RTN4: variants seen among roughly 807,000 people sequenced by gnomAD.
The protein encoded by RTN4 is reticulon 4, also known as reticulon-4.
RTN4 carries 32 observed loss-of-function variants against 90.4 expected under a neutral mutation model. The ratio of observed to expected loss-of-function variants is 0.35; its 90% CI spans 0.27 to 0.48. The LOEUF (loss-of-function observed/expected upper bound fraction) is 0.48, where lower values mean the gene tolerates loss of function less well. Ranked by LOEUF, RTN4 falls within the 20% of genes least tolerant of loss-of-function variation. The probability of loss-of-function intolerance (pLI) is 0.99; values close to 1 mark genes in which losing one functional copy is unlikely to be tolerated. For missense variants in RTN4, 1,706 were observed against 1,430.2 expected, an observed-to-expected ratio of 1.19 and a Z score of -3.11; for synonymous variants, 629 against 552.5, an observed-to-expected ratio of 1.14 and a Z score of -1.94.
At chr2:55,012,493 G>C (rs1680716681) in intron 3 of RTN4, among the ~76,000 whole-genome samples, 2 of 152,170 alleles carry the variant, frequency 1.3e-5, no homozygotes, top group South Asian at 4.1e-4. Flanking sequence ...TTTAAGTTTG[G>C]CAAGTTAAGC....
At chr2:54,977,007 G>A (rs1202427360) in intron 5 of RTN4, among the ~76,000 whole-genome samples, 3 of 152,184 alleles carry the variant, frequency 2.0e-5, no homozygotes, top group Non-Finnish European at 4.4e-5. Context: ...TTTCTTCCAG[G>A]GCAATAAGAG....
intron 2 of RTN4, among the ~76,000 whole-genome samples, chr2:55,069,329 C>A (rs987176806): frequency 1.3e-5 from 2 of 152,186 alleles, no homozygotes; most frequent in Admixed American, 6.5e-5. Flanking sequence ...CAGCATTCTT[C>A]TGGAAAATAA....
chr2:54,987,788 A>G, intron 3 of RTN4, 90 bp from the exon 4 acceptor site: 1 of 1,011,822 alleles, frequency 9.9e-7, no homozygotes. Flanking sequence ...CTACTACATA[A>G]AGTAAAATCA....
chr2:55,109,155 G>A (rs2972089), intron 1 of RTN4, among the ~76,000 whole-genome samples: 36,288 of 151,796 alleles, frequency 0.24, 5,101 homozygotes, highest in East Asian at 0.45. Context: ...ATACTGAAAT[G>A]AAAAAAACAG....
chr2:55,131,042 G>C, the RTN4 span, among the ~76,000 whole-genome samples: 1 of 152,052 alleles, frequency 6.6e-6, no homozygotes, highest in Non-Finnish European at 1.5e-5. Flanking sequence ...AATTCACTAC[G>C]TATTGTATGA....
chr2:54,976,311 A>G (rs1291867981), intron 5 of RTN4, among the ~76,000 whole-genome samples: 1 of 152,220 alleles, frequency 6.6e-6, no homozygotes, highest in Non-Finnish European at 1.5e-5. Context: ...TAGGGGCTCA[A>G]ATGTCACTTG....
chr2:55,028,038 G>A lies in RTN4; in HGVS notation c.613+126C>T, dbSNP rs1682033774. On this transcript the variant is annotated intron_variant, in intron 2 of 8. Coordinates refer to ENST00000337526, the MANE Select transcript of RTN4 (RefSeq NM_020532.5). ...TAAAATGCACATTTCAACTTTTCCA[G>A]TAGACAAAACATTCTCGGAACCATG... The A allele has an allele frequency of 1.2e-5, 9 of 779,056 alleles. No individual in the cohort carries two copies. The South Asian group carries it at 2.4e-4, about 21-fold the overall frequency. The allele number at this position is 779,056 out of a possible 1,614,324, so 48.3% of individuals were successfully genotyped here.
chr2:54,981,246 G>C (rs1313032753), intron 5 of RTN4, among the ~76,000 whole-genome samples: 2 of 150,858 alleles, frequency 1.3e-5, no homozygotes, highest in South Asian at 4.2e-4. Context: ...TGAAAATAAC[G>C]TATCAACTAC....
intron 2 of RTN4, among the ~76,000 whole-genome samples, chr2:55,070,021 G>C (rs1439695877): frequency 1.3e-5 from 2 of 152,188 alleles, no homozygotes; most frequent in Non-Finnish European, 2.9e-5. Flanking sequence ...TTGCCCAGTG[G>C]TTTCGATGGC....
chr2:54,992,382 C>G (rs1254322088), intron 3 of RTN4, among the ~76,000 whole-genome samples: 1 of 152,042 alleles, frequency 6.6e-6, no homozygotes, highest in Non-Finnish European at 1.5e-5. Flanking sequence ...AACAAATGGG[C>G]AAAGTGTAGG....
At chr2:55,107,588 T>C (rs188170135) in intron 1 of RTN4, among the ~76,000 whole-genome samples, 4 of 152,022 alleles carry the variant, frequency 2.6e-5, no homozygotes, top group Admixed American at 2.6e-4. Flanking sequence ...AAGCTCTTAT[T>C]TGAACAACAA....
intron 2 of RTN4, among the ~76,000 whole-genome samples, chr2:55,073,295 C>A (rs571612599): frequency 6.6e-6 from 1 of 152,094 alleles, no homozygotes; most frequent in Non-Finnish European, 1.5e-5. Context: ...CAACCAAGAG[C>A]GTTAATTTTA....
In RTN4 at chr2:54,974,671, A is replaced by T. The variant is rs201547975; in HGVS notation, c.3430+24T>A. 2.1e-4 allele frequency: 329 copies of T among 1,569,476 alleles called. 1 individual carries two copies. The highest frequency in any genetic ancestry group is 3.3e-4 in the Middle Eastern group (2 of 5,972). On this transcript the variant is annotated intron_variant, in intron 6 of 8. Coordinates refer to ENST00000337526, the MANE Select transcript of RTN4 (RefSeq NM_020532.5). ...CACACAATCTTTCCAGCAATTTTTC[A>T]TCCCAATGGCTTTGTAGACTTACCC... is the stretch of plus-strand genomic sequence containing the variant.
intron 2 of RTN4, among the ~76,000 whole-genome samples, chr2:55,065,170 T>G (rs1668368163): frequency 6.6e-6 from 1 of 152,206 alleles, no homozygotes; most frequent in African/African-American, 2.4e-5. Flanking sequence ...TTTTTTCATA[T>G]CAGAATCCAC....
intron 1 of RTN4, among the ~76,000 whole-genome samples, chr2:55,091,090 G>T (rs1668926517): frequency 6.6e-6 from 1 of 152,194 alleles, no homozygotes; most frequent in Non-Finnish European, 1.5e-5. Flanking sequence ...CTAACCAGTT[G>T]CCCTGTCTTT....
At chr2:55,010,725 T>G (rs1426717501) in intron 3 of RTN4, among the ~76,000 whole-genome samples, 1 of 152,214 alleles carries the variant, frequency 6.6e-6, no homozygotes, top group African/African-American at 2.4e-5. Flanking sequence ...ATTTTGCACC[T>G]TATGAAGAGA....
Position 55,049,726 on chromosome 2 carries a change from G to C in RTN4, c.556+19C>G, listed in dbSNP as rs1038674575. 12 of 1,396,844 alleles carry C rather than the reference G, an allele frequency of 8.6e-6. No homozygotes were observed. The South Asian group carries it at 1.9e-4, about 22-fold the overall frequency. 86.5% of individuals were successfully genotyped at this position (1,396,844 alleles called of 1,614,324 possible). ...AGGGGCGCGAGGGGCGGCGCGAAGC[G>C]AGAGGTCGCGGCACTCACCCACTGA... is the stretch of plus-strand genomic sequence containing the variant. On this transcript the variant is annotated intron_variant, in intron 1 of 8. Transcript: ENST00000337526.
At chr2:55,105,274 A>G (rs2972086) in intron 1 of RTN4, among the ~76,000 whole-genome samples, 138,294 of 140,626 alleles carry the variant, frequency 0.98, 68,041 homozygotes, top group African/African-American at 0.99. Context: ...CTGTCACCCA[A>G]GCTGGAGTAC....
intron 1 of RTN4, among the ~76,000 whole-genome samples, chr2:55,081,942 A>G (rs1030580353): frequency 2.0e-5 from 3 of 150,140 alleles, no homozygotes; most frequent in African/African-American, 7.4e-5. Context: ...ATTCATTTTT[A>G]TCAAATATGA....
Sources: gnomAD v4.1 joint callset for allele counts (sites outside exome capture counted in the v4.1 genomes callset) on GRCh38, gnomAD v4.1.1 for gene constraint, MANE v1.5 for transcripts, NCBI Gene and HGNC (gene_info 2026-07-23, HGNC 2026-07-21) for gene names.